Variants in PANX1 observed in about 807,000 individuals in gnomAD.
PANX1 encodes the protein pannexin 1, also known as pannexin-1.
Under a neutral mutation model 38.7 loss-of-function variants are expected in PANX1, and 30 were observed. The observed-to-expected ratio is 0.78, with a 90% confidence interval of 0.58 to 1.05. PANX1 has a LOEUF of 1.05. PANX1 is among the 50% of genes least tolerant of loss of function. The pLI, the probability that PANX1 is intolerant of heterozygous loss-of-function variation, is 0.00. For synonymous variants in PANX1, 230 were observed against 212.2 expected (o/e 1.08, Z -0.73); for missense variants, 551 against 517.2 (o/e 1.07, Z -0.63).
chr11:94,129,511 C>A lies in PANX1; in HGVS notation c.181+18C>A, dbSNP rs780144027. On this transcript the variant is annotated intron_variant, in intron 1 of 4. Coordinates refer to ENST00000227638, the MANE Select transcript of PANX1 (RefSeq NM_015368.4). ...CTCGATTGGTAAGCCTCGCCCAGGA[C>A]GGAGGGGAGTGGCCGCCCCGGTCTG... 3 of 1,591,292 alleles carry A rather than the reference C, an allele frequency of 1.9e-6. No homozygotes were observed. Among genetic ancestry groups the A allele is most frequent in the Non-Finnish European group, 1.7e-6 (2 of 1,163,998 alleles).
intron 2 of PANX1, among the ~76,000 whole-genome samples, chr11:94,168,245 G>T (rs1169153404): frequency 6.6e-6 from 1 of 152,176 alleles, no homozygotes; most frequent in Non-Finnish European, 1.5e-5. Flanking sequence ...CTTTCTGGGG[G>T]AGGCGTGGCC....
At chr11:94,178,716 G>C in intron 3 of PANX1, 124 bp downstream of exon 3, 1 of 694,322 alleles carries the variant, frequency 1.4e-6, no homozygotes, top group Non-Finnish European at 2.5e-6. Context: ...GCAGGGGGAC[G>C]TCATGCACCT....
intron 2 of PANX1, among the ~76,000 whole-genome samples, chr11:94,174,145 C>T (rs1428633334): frequency 6.6e-6 from 1 of 150,528 alleles, no homozygotes; most frequent in Non-Finnish European, 1.5e-5. Context: ...TAGGACCCAC[C>T]CTAATTTATC....
At chr11:94,179,213 TGTAA>T (rs760110995) in intron 3 of PANX1, among the ~76,000 whole-genome samples, 22 of 152,192 alleles carry the variant, frequency 1.4e-4, no homozygotes, top group South Asian at 2.1e-4. Context: ...CTTCTGTAGC[TGTAA>T]GTGAGAGTCT....
At chr11:94,158,539 GCTCT>G (rs1252581986) in intron 2 of PANX1, among the ~76,000 whole-genome samples, 4 of 151,672 alleles carry the variant, frequency 2.6e-5, no homozygotes, top group Non-Finnish European at 4.4e-5. Flanking sequence ...TCATGATTTG[GCTCT>G]CTGTTTGTCT....
In PANX1 at chr11:94,146,432, C is replaced by T. The variant is rs77396625; in HGVS notation, c.182-7059C>T. On this transcript the variant is annotated intron_variant, in intron 1 of 4. Transcript: ENST00000227638. ...TTCTGGGACACAATATTGACCCTGT[C>T]TGCGAGGATCCCTCCACAGACCACT... is the stretch of plus-strand genomic sequence containing the variant. Among the ~76,000 whole-genome samples the T allele has an allele frequency of 0.01, 1,580 of 152,316 alleles. 77 individuals carry two copies. The East Asian group carries it at 0.14, about 13-fold the overall frequency.
At chr11:94,144,471 T>C (rs1037710169) in intron 1 of PANX1, among the ~76,000 whole-genome samples, 2 of 151,872 alleles carry the variant, frequency 1.3e-5, no homozygotes, top group African/African-American at 2.4e-5. Flanking sequence ...CCCTCCACCC[T>C]GTCAGCAGTC....
In PANX1 at chr11:94,144,131, C is replaced by T. The variant is rs570172650; in HGVS notation, c.182-9360C>T. 9.2e-5 allele frequency among the ~76,000 whole-genome samples: 14 copies of T among 152,212 alleles called. No individual in the cohort carries two copies. The East Asian group carries it at 2.3e-3, about 25-fold the overall frequency. ...GCTGAAGAGTAATTTTGTTCTAACC[C>T]TTCTTCTACTTGAAGAAGTCTATTA... On this transcript the variant is annotated intron_variant, in intron 1 of 4. Coordinates refer to ENST00000227638, the MANE Select transcript of PANX1 (RefSeq NM_015368.4).
At chr11:94,145,010 C>G (rs1329633991) in intron 1 of PANX1, among the ~76,000 whole-genome samples, 4 of 152,104 alleles carry the variant, frequency 2.6e-5, no homozygotes, top group African/African-American at 9.7e-5. Flanking sequence ...GCTCATATGT[C>G]TGATCAGTAC....
chr11:94,176,962 A>T (rs1312034157), intron 2 of PANX1, among the ~76,000 whole-genome samples: 3 of 151,624 alleles, frequency 2.0e-5, no homozygotes, highest in South Asian at 2.1e-4. Flanking sequence ...CCACCTAGCT[A>T]ATCTTTTTGT....
At chr11:94,176,532 G>A (rs1266421610) in intron 2 of PANX1, among the ~76,000 whole-genome samples, 2 of 151,654 alleles carry the variant, frequency 1.3e-5, no homozygotes, top group Admixed American at 1.3e-4. Flanking sequence ...ACAGAAATAT[G>A]AGTCATTAGC....
intron 2 of PANX1, among the ~76,000 whole-genome samples, chr11:94,172,206 G>A (rs1392070798): frequency 6.6e-6 from 1 of 151,630 alleles, no homozygotes; most frequent in Non-Finnish European, 1.5e-5. Flanking sequence ...TTAGGTTGGA[G>A]CTTCTGTGGT....
chr11:94,168,087 T>G (rs1330269096), intron 2 of PANX1, among the ~76,000 whole-genome samples: 4 of 152,230 alleles, frequency 2.6e-5, no homozygotes, highest in Middle Eastern at 3.4e-3. Flanking sequence ...TGAAGATGAT[T>G]AGACAATTTC....
At chr11:94,147,430 GT>G (rs550385708) in intron 1 of PANX1, among the ~76,000 whole-genome samples, 73 of 152,204 alleles carry the variant, frequency 4.8e-4, no homozygotes, top group Non-Finnish European at 9.4e-4. Flanking sequence ...AATTATATGG[GT>G]TTTTTCTGTG....
intron 2 of PANX1, among the ~76,000 whole-genome samples, chr11:94,161,578 C>T (rs1217620674): frequency 6.6e-6 from 1 of 152,146 alleles, no homozygotes; most frequent in African/African-American, 2.4e-5. Context: ...CCATCAGGTC[C>T]TTTAAGGACT....
At position 94,153,626 on chromosome 11, in the gene PANX1, A is replaced by G. The variant is rs1324904662; in HGVS notation, c.317A>G (p.His106Arg). ...SESGNLPLWLHKFFPYILLLF... is the reference protein window; with the variant it reads ...SESGNLPLWLRKFFPYILLLF... The stretch of plus-strand genomic sequence containing the variant: ...TCTGGAAACCTCCCACTGTGGCTGC[A>G]TAAGGTAAAGGGAGACATTTCCAAA... The change falls in exon 2 of 5, where the codon CAT (histidine) becomes CGT (arginine). Residue 106 changes from histidine (H) to arginine (R), a missense_variant. By Grantham distance (29) the His-to-Arg change is conservative (BLOSUM62 0). Coordinates refer to ENST00000227638, the MANE Select transcript of PANX1 (RefSeq NM_015368.4). 1.2e-6 allele frequency: 2 copies of G among 1,613,388 alleles called. No homozygotes were observed. The highest frequency in any genetic ancestry group is 1.7e-6 in the Non-Finnish European group (2 of 1,179,842).
intron 1 of PANX1, among the ~76,000 whole-genome samples, chr11:94,133,081 C>T (rs1946649994): frequency 1.3e-5 from 2 of 152,228 alleles, no homozygotes; most frequent in African/African-American, 4.8e-5. Flanking sequence ...CCTGCCTGGG[C>T]CACAGAGACC....
chr11:94,161,197 T>C (rs1187820159), intron 2 of PANX1, among the ~76,000 whole-genome samples: 2 of 152,202 alleles, frequency 1.3e-5, no homozygotes, highest in Admixed American at 1.3e-4. Context: ...CTGACAATTA[T>C]GTGTCTTGGA....
intron 1 of PANX1, among the ~76,000 whole-genome samples, chr11:94,145,729 A>C (rs575508975): frequency 6.6e-6 from 1 of 152,360 alleles, no homozygotes; most frequent in South Asian, 2.1e-4. Context: ...AAAAATCAGA[A>C]ACTACCTTTG....
Sources: allele counts gnomAD v4.1 joint callset (sites outside exome capture counted in the v4.1 genomes callset), GRCh38; gene constraint gnomAD v4.1.1; transcripts MANE v1.5; gene names NCBI Gene and HGNC (gene_info 2026-07-23, HGNC 2026-07-21).